The following MYO9A variants were observed in gnomAD, a reference collection of about 807,000 sequenced individuals.
MYO9A encodes the protein myosin IXA.
MYO9A carries 103 observed loss-of-function variants against 293.3 expected under a neutral mutation model. The observed-to-expected ratio is 0.35, with a 90% CI of 0.30 to 0.41. The LOEUF is 0.41. Ranked by LOEUF, MYO9A falls within the 10% of genes least tolerant of loss-of-function variation. The pLI, the probability that MYO9A is intolerant of heterozygous loss-of-function variation, is 1.00. For synonymous variants in MYO9A, 1,001 were observed against 1,035.7 expected (o/e 0.97, Z 0.64); for missense variants, 2,685 against 3,033.0 (o/e 0.89, Z 2.69).
At position 71,926,307 on chromosome 15, in the gene MYO9A, T is replaced by A. The variant is rs577726704; in HGVS notation, c.2562+7363A>T. Among the ~76,000 whole-genome samples the A allele has an allele frequency of 2.3e-4, 35 of 152,292 alleles. 1 individual carries two copies. The highest frequency in any genetic ancestry group is 2.2e-3 in the Admixed American group (33 of 15,300). ...AGCCATGCACCGTGGTATATGCCTA[T>A]AATCCCAGCAACTTGGGAGGCTGAG... is the stretch of plus-strand genomic sequence containing the variant. On this transcript the variant is annotated intron_variant, in intron 18 of 41. Coordinates refer to ENST00000356056, the MANE Select transcript of MYO9A (RefSeq NM_006901.4).
chr15:71,999,989 T>G, intron 8 of MYO9A, 49 bp from the exon 9 acceptor site: 3 of 1,469,894 alleles, frequency 2.0e-6, no homozygotes, highest in East Asian at 4.7e-5. Context: ...TGACAATAGG[T>G]TGAATTATCT....
intron 28 of MYO9A, among the ~76,000 whole-genome samples, chr15:71,881,394 TTGA>T: frequency 6.6e-6 from 1 of 151,864 alleles, no homozygotes; most frequent in Non-Finnish European, 1.5e-5. Flanking sequence ...CAAACTAACT[TTGA>T]TAATAAAGGA....
In MYO9A at chr15:71,827,028, A is replaced by C; in HGVS notation, c.7199T>G (p.Leu2400Arg). 1 of 1,579,578 alleles carries C rather than the reference A, an allele frequency of 6.3e-7. No individual in the cohort carries two copies. The highest frequency in any genetic ancestry group is 8.6e-7 in the Non-Finnish European group (1 of 1,167,616). The change falls in exon 42 of 42, where the codon CTT (leucine) becomes CGT (arginine). Residue 2400 changes from leucine to arginine, a missense_variant. Around this residue, in one of 10 missense-constraint regions of MYO9A, gnomAD observed 350 missense variants for 328.9 expected, o/e 1.06. Transcript: ENST00000356056. ...CTTGCCAGCTGTCTTCAGGGAGCTA[A>C]GGGCTAAGCTTCTTTCTAATGCAAA... ...ISEKSERSLA[L>R]SSLKTAGKSE...
intron 38 of MYO9A, 80 bp downstream of exon 38, chr15:71,849,956 C>CTATTT: frequency 2.0e-6 from 3 of 1,534,116 alleles, no homozygotes; most frequent in South Asian, 1.2e-5. Context: ...AACCCATTCA[C>CTATTT]TATGTTTGAT....
intron 28 of MYO9A, 96 bp from the exon 29 acceptor site, chr15:71,880,654 G>A: frequency 9.4e-7 from 1 of 1,061,436 alleles, no homozygotes; most frequent in Non-Finnish European, 1.4e-6. Context: ...ACAAGTCACT[G>A]AAGGAAACAT....
Position 71,883,572 on chromosome 15 carries a change from T to C in MYO9A, c.5398+22A>G, listed in dbSNP as rs748842457. On this transcript the variant is annotated intron_variant, in intron 28 of 41. Coordinates refer to ENST00000356056, the MANE Select transcript of MYO9A (RefSeq NM_006901.4). ...GTGAACAGAAATTATGAACACAAGT[T>C]CCACCCTTTGGTCACTTTTACCATC... The C allele has an allele frequency of 2.5e-6, 4 of 1,600,556 alleles. No homozygotes were observed. In the Admixed American group the frequency reaches 7.1e-5, roughly 28 times the overall value.
rs549566572 is a variant in MYO9A, at chr15:71,906,929, AT to A, written c.2686-1924del. Among the ~76,000 whole-genome samples the A allele has an allele frequency of 1.1e-3, 155 of 137,642 alleles. 3 individuals carry two copies. The East Asian group carries it at 0.024, about 21-fold the overall frequency. 90.3% of individuals were successfully genotyped at this position (137,642 alleles called of 152,430 possible). ...CAGGCCCCACCACCACACCCGGCTA[AT>A]TTTTTTTTTCTTTTTTTTTTTTATT... On this transcript the variant is annotated intron_variant, in intron 19 of 41. Coordinates refer to ENST00000356056, the MANE Select transcript of MYO9A (RefSeq NM_006901.4).
At position 71,928,056 on chromosome 15, in the gene MYO9A, A is replaced by ATTT. The variant is rs1172759885; in HGVS notation, c.2562+5611_2562+5613dup. Among the ~76,000 whole-genome samples the ATTT allele has an allele frequency of 3.6e-3, 22 of 6,036 alleles. 8 individuals carry two copies. Among genetic ancestry groups the ATTT allele is most frequent in the Non-Finnish European group, 8.7e-3 (15 of 1,732 alleles). The allele number at this position is 6,036 out of a possible 152,430, so 4.0% of individuals were successfully genotyped here. On this transcript the variant is annotated intron_variant, in intron 18 of 41. Coordinates refer to ENST00000356056, the MANE Select transcript of MYO9A (RefSeq NM_006901.4). ...TATATATATATATATATATATATAT[A>ATTT]TTTTTTTTTTTTTTTTTTTTTTTTT...
At chr15:71,849,905 AGCAGTGTCCAACAATC>A in intron 38 of MYO9A, 115 bp downstream of exon 38, 1 of 916,328 alleles carries the variant, frequency 1.1e-6, no homozygotes, top group Non-Finnish European at 1.6e-6. Flanking sequence ...AAGAAAACCC[AGCAGTGTCCAACAATC>A]TTCTTAAAAA....
At chr15:71,886,673 A>G (rs1417068117) in intron 27 of MYO9A, among the ~76,000 whole-genome samples, 2 of 152,134 alleles carry the variant, frequency 1.3e-5, no homozygotes, top group Non-Finnish European at 2.9e-5. Context: ...TTTAAAATTT[A>G]AAGTCCATTT....
chr15:71,877,773 TAA>T (rs2142358487), intron 31 of MYO9A, among the ~76,000 whole-genome samples: 1 of 152,324 alleles, frequency 6.6e-6, no homozygotes, highest in Admixed American at 6.5e-5. Flanking sequence ...CTATTAAAGC[TAA>T]GAGTATAATC....
At chr15:71,973,414 G>A (rs186020539) in intron 12 of MYO9A, among the ~76,000 whole-genome samples, 1 of 152,194 alleles carries the variant, frequency 6.6e-6, no homozygotes, top group African/African-American at 2.4e-5. Context: ...CTACATTAGG[G>A]GCAGTAGCTT....
intron 39 of MYO9A, among the ~76,000 whole-genome samples, chr15:71,847,701 A>T (rs1456229480): frequency 6.6e-6 from 1 of 152,212 alleles, no homozygotes; most frequent in Non-Finnish European, 1.5e-5. Flanking sequence ...AGCTCCTGAA[A>T]ATTCATACTA....
chr15:72,090,797 C>G (rs1338979268), intron 1 of MYO9A, among the ~76,000 whole-genome samples: 1 of 151,856 alleles, frequency 6.6e-6, no homozygotes, highest in Non-Finnish European at 1.5e-5. Context: ...TGTTTATATT[C>G]TTTTTTAAAA....
intron 11 of MYO9A, among the ~76,000 whole-genome samples, chr15:71,980,467 T>G (rs1009877263): frequency 6.6e-6 from 1 of 152,164 alleles, no homozygotes; most frequent in African/African-American, 2.4e-5. Context: ...CCCTGATGAA[T>G]AACAAAGAAA....
chr15:72,036,738 A>C (rs1199745053), intron 2 of MYO9A: 1 of 152,258 alleles, frequency 6.6e-6, no homozygotes, highest in African/African-American at 2.4e-5. Context: ...GTTTTGAGAC[A>C]AGATCTCGTT....
Position 71,983,640 on chromosome 15 carries a change from G to A in MYO9A, c.1723-5348C>T, listed in dbSNP as rs559907860. ...TGGGATTGCAGGCGGCTGCCACCACGCCCTGCTAATTTTTGTAGTTTTAGT... is the reference window on the plus strand; with the variant it reads ...TGGGATTGCAGGCGGCTGCCACCACACCCTGCTAATTTTTGTAGTTTTAGT... On this transcript the variant is annotated intron_variant, in intron 11 of 41. Coordinates refer to ENST00000356056, the MANE Select transcript of MYO9A (RefSeq NM_006901.4). Among the ~76,000 whole-genome samples, 8 of 151,616 alleles carry A rather than the reference G, an allele frequency of 5.3e-5. No homozygotes were observed. The South Asian group carries it at 8.3e-4, about 16-fold the overall frequency.
At chr15:72,117,285 TG>T in intron 1 of MYO9A, 1 of 152,202 alleles carries the variant, frequency 6.6e-6, no homozygotes, top group Non-Finnish European at 1.5e-5. Context: ...GAGGGGCACA[TG>T]GGGGACGCAA....
chr15:71,866,685 CT>C (rs1183159240), intron 32 of MYO9A, among the ~76,000 whole-genome samples: 1 of 152,112 alleles, frequency 6.6e-6, no homozygotes, highest in Non-Finnish European at 1.5e-5. Context: ...ACTAATAGAT[CT>C]TTTTTCTGCT....
Sources: allele counts gnomAD v4.1 joint callset (sites outside exome capture counted in the v4.1 genomes callset), GRCh38; gene constraint gnomAD v4.1.1; regional missense constraint gnomAD v4.1.1; transcripts MANE v1.5; gene names NCBI Gene and HGNC (gene_info 2026-07-23, HGNC 2026-07-21).